The following CFAP161 variants were observed in gnomAD, a reference collection of about 807,000 sequenced individuals.
CFAP161 encodes cilia and flagella associated protein 161, also known as cilia- and flagella-associated protein 161.
In CFAP161, 25 loss-of-function variants were observed where a neutral mutation model predicts 29.0. The observed-to-expected ratio is 0.86, with a 90% CI of 0.63 to 1.20. CFAP161 has a LOEUF of 1.20. Among genes scored for constraint, CFAP161 ranks in the 50% most tolerant of loss-of-function variants. The pLI, the probability that CFAP161 is intolerant of heterozygous loss-of-function variation, is 0.00. For synonymous variants in CFAP161, 116 were observed against 137.4 expected (o/e 0.84, Z 1.09); for missense variants, 367 against 371.9 (o/e 0.99, Z 0.11).
At chr15:81,111,413 GC>G (rs1260681060) in intron 1 of CFAP161, among the ~76,000 whole-genome samples, 5 of 152,136 alleles carry the variant, frequency 3.3e-5, no homozygotes, top group Non-Finnish European at 7.3e-5. Context: ...TATCCCCGCT[GC>G]CACTGCTTAA....
chr15:81,129,945 C>CTT (rs35555346), upstream of CFAP161, among the ~76,000 whole-genome samples: 6 of 110,822 alleles, frequency 5.4e-5, no homozygotes, highest in East Asian at 4.8e-4. Context: ...TAATGTAAGG[C>CTT]TTTTTTTTTT....
chr15:81,147,217 G>T (rs1895023366), intron 5 of CFAP161, among the ~76,000 whole-genome samples: 1 of 151,962 alleles, frequency 6.6e-6, no homozygotes, highest in Admixed American at 6.6e-5. Flanking sequence ...AAACTCAAAA[G>T]AACGCAACTG....
At chr15:81,117,961 A>C in intron 1 of CFAP161, 1 of 469,158 alleles carries the variant, frequency 2.1e-6, no homozygotes, top group Non-Finnish European at 4.0e-6. Flanking sequence ...ATAGGTATCC[A>C]AGCAGGTCAG....
chr15:81,100,704 C>CT (rs1555448386), intron 1 of CFAP161, among the ~76,000 whole-genome samples: 26 of 148,738 alleles, frequency 1.7e-4, no homozygotes, highest in South Asian at 6.4e-4. Context: ...CTCTCTCTCT[C>CT]TTTTTTTTTT....
At chr15:81,110,394 C>A (rs556139244) in intron 1 of CFAP161, among the ~76,000 whole-genome samples, 3 of 152,256 alleles carry the variant, frequency 2.0e-5, no homozygotes, top group South Asian at 4.2e-4. Flanking sequence ...AAGCCCCCCA[C>A]TCCCTCCATC....
intron 1 of CFAP161, among the ~76,000 whole-genome samples, chr15:81,105,230 C>T (rs185278573): frequency 4.1e-5 from 3 of 72,508 alleles, no homozygotes; most frequent in Non-Finnish European, 8.5e-5. Flanking sequence ...ACCCTCCCCC[C>T]TCTTTCTTTC....
rs371204502 is a variant in CFAP161, at chr15:81,119,938, C to T, written c.-141-7652C>T. ...AATTTAAAAAAACAGAATCACCAGTCACTATAAAATAAGTTATTATCCAGA... is the reference window on the plus strand; with the variant it reads ...AATTTAAAAAAACAGAATCACCAGTTACTATAAAATAAGTTATTATCCAGA... On this transcript the variant is annotated intron_variant, in intron 1 of 4. Transcript: ENST00000560091. Among the ~76,000 whole-genome samples the T allele has an allele frequency of 5.9e-5, 9 of 151,898 alleles. 1 individual carries two copies. In the South Asian group the frequency reaches 1.3e-3, roughly 21 times the overall value.
chr15:81,123,274 TC>T (rs1486264459), intron 1 of CFAP161, among the ~76,000 whole-genome samples: 1 of 152,236 alleles, frequency 6.6e-6, no homozygotes, highest in African/African-American at 2.4e-5. Context: ...TAGTTAGTTA[TC>T]CCAGCATTAT....
In CFAP161 at chr15:81,143,780, AC is replaced by A; in HGVS notation, c.601del (p.Gln201SerfsTer36). On this transcript the variant is annotated frameshift_variant, in exon 5 of 7. Transcript: ENST00000286732. LOFTEE classifies it high-confidence loss of function. ...HVNCWQAAFP[D>X]PQLRLEYEGF... ...AACTGCTGGCAGGCTGCCTTCCCTG[AC>A]CCCCAGTTACGCCTGGAATATGAAG... 6.2e-7 allele frequency: 1 copy of A among 1,613,838 alleles called. No homozygotes were observed. Among genetic ancestry groups the A allele is most frequent in the Non-Finnish European group, 8.5e-7 (1 of 1,179,950 alleles).
chr15:81,104,540 A>G (rs1436156777), intron 1 of CFAP161, among the ~76,000 whole-genome samples: 1 of 152,258 alleles, frequency 6.6e-6, no homozygotes, highest in African/African-American at 2.4e-5. Flanking sequence ...GGGATATGGT[A>G]TCCAAGGGAG....
At chr15:81,135,691 T>A (rs569606667) in intron 2 of CFAP161, among the ~76,000 whole-genome samples, 8 of 152,284 alleles carry the variant, frequency 5.3e-5, no homozygotes, top group Admixed American at 5.2e-4. Flanking sequence ...ACAAAGGACA[T>A]GAACTCATCA....
At chr15:81,103,229 A>G (rs1332466813) in intron 1 of CFAP161, among the ~76,000 whole-genome samples, 2 of 152,210 alleles carry the variant, frequency 1.3e-5, no homozygotes, top group Non-Finnish European at 1.5e-5. Flanking sequence ...TGTTGTGATA[A>G]AGACTGGTTT....
Position 81,136,672 on chromosome 15 carries a change from G to T in CFAP161, c.316G>T (p.Glu106Ter). ...PDEIQSHLKD[E>*]LEVPCGLSAV... Reference sequence around the variant, plus strand: ...TGAAATTCAGTCCCATCTGAAAGACGAATTAGAGGTACCCTGTGGCCTGAG... The same window carrying T: ...TGAAATTCAGTCCCATCTGAAAGACTAATTAGAGGTACCCTGTGGCCTGAG... Residue 106 changes from glutamate to a stop codon, truncating the protein, a stop_gained, in exon 3 of 7, where the codon GAA becomes TAA. Transcript: ENST00000286732. LOFTEE classifies it high-confidence loss of function. The T allele has an allele frequency of 6.2e-7, 1 of 1,614,138 alleles. No homozygotes were observed. Among genetic ancestry groups the T allele is most frequent in the Non-Finnish European group, 8.5e-7 (1 of 1,180,032 alleles).
chr15:81,116,457 C>T (rs912175164), intron 1 of CFAP161, among the ~76,000 whole-genome samples: 11 of 152,150 alleles, frequency 7.2e-5, no homozygotes, highest in Non-Finnish European at 1.5e-4. Context: ...TAACGCCCAG[C>T]TAATTTTTTT....
upstream of CFAP161, among the ~76,000 whole-genome samples, chr15:81,131,119 C>G (rs1894705413): frequency 7.4e-6 from 1 of 134,664 alleles, no homozygotes; most frequent in Non-Finnish European, 1.6e-5. Context: ...GCAGGCTTGC[C>G]AAAAACCTTC....
chr15:81,106,034 C>T (rs1221073374), intron 1 of CFAP161, among the ~76,000 whole-genome samples: 1 of 152,084 alleles, frequency 6.6e-6, no homozygotes, highest in East Asian at 1.9e-4. Flanking sequence ...AGAAAAATTG[C>T]CCATAATAGG....
chr15:81,104,366 T>G (rs1163577472), intron 1 of CFAP161, among the ~76,000 whole-genome samples: 1 of 152,224 alleles, frequency 6.6e-6, no homozygotes, highest in African/African-American at 2.4e-5. Flanking sequence ...GCTGTGACAG[T>G]GAGCATGGGG....
At chr15:81,140,743 A>ATTAT (rs936127498) in intron 4 of CFAP161, among the ~76,000 whole-genome samples, 3 of 151,590 alleles carry the variant, frequency 2.0e-5, no homozygotes, top group African/African-American at 4.8e-5. Context: ...AAATTTATTT[A>ATTAT]TTATTTATTT....
intron 4 of CFAP161, among the ~76,000 whole-genome samples, chr15:81,141,849 TAA>T (rs1020527307): frequency 5.3e-5 from 8 of 151,984 alleles, no homozygotes; most frequent in African/African-American, 1.9e-4. Context: ...CACACCTGGC[TAA>T]GTTTTGTATT....
Sources: allele counts gnomAD v4.1 joint callset (sites outside exome capture counted in the v4.1 genomes callset), GRCh38; gene constraint gnomAD v4.1.1; transcripts MANE v1.5; gene names NCBI Gene and HGNC (gene_info 2026-07-23, HGNC 2026-07-21).